PCYT1A: variants seen among roughly 807,000 people sequenced by gnomAD.
The protein encoded by PCYT1A is choline-phosphate cytidylyltransferase A.
A neutral mutation model predicts 43.7 loss-of-function variants in PCYT1A; 25 were observed. The observed-to-expected ratio is 0.57, with a 90% CI of 0.42 to 0.80. The LOEUF is 0.80. PCYT1A is among the 30% of genes least tolerant of loss of function. PCYT1A has a pLI of 0.00. For synonymous variants in PCYT1A, 172 were observed against 170.7 expected (o/e 1.01, Z -0.06); for missense variants, 421 against 474.2 (o/e 0.89, Z 1.04).
chr3:196,242,686 A>G lies in PCYT1A; in HGVS notation c.487-46T>C. 2.4e-6 allele frequency: 3 copies of G among 1,258,122 alleles called. No individual in the cohort carries two copies. The highest frequency in any genetic ancestry group is 3.5e-6 in the Non-Finnish European group (3 of 855,474). The allele number at this position is 1,258,122 out of a possible 1,614,324, so 77.9% of individuals were successfully genotyped here. ...TTAAAACCCATGATAACTGCCATTC[A>G]GAAAGACCCAGTCAATGTTCTCAGG... On this transcript the variant is annotated intron_variant, in intron 5 of 8. Coordinates refer to ENST00000431016, the MANE Select transcript of PCYT1A (RefSeq NM_001312673.2). This position sits in a 1 kb window ranked among gnomAD's most constrained non-coding sequence, Gnocchi z 4.2.
chr3:196,244,834 G>T (rs951084032), intron 5 of PCYT1A, among the ~76,000 whole-genome samples: 5 of 151,994 alleles, frequency 3.3e-5, no homozygotes, highest in African/African-American at 1.2e-4. Flanking sequence ...GTCCACTCAG[G>T]GTTAAATGGA....
chr3:196,267,397 G>GT (rs1327786768), intron 2 of PCYT1A: 1 of 452,480 alleles, frequency 2.2e-6, no homozygotes, highest in Non-Finnish European at 4.4e-6. Context: ...CTGCTAATGA[G>GT]TACAGGCCTT....
At position 196,247,063 on chromosome 3, in the gene PCYT1A, C is replaced by T. The variant is rs1197047720; in HGVS notation, c.486+304G>A. ...GCCCTGCCAATGGTGTAACTTGGAG[C>T]AGGTTATTTGGTTTCTCTAGCCCTT... On this transcript the variant is annotated intron_variant, in intron 5 of 8. Coordinates refer to ENST00000431016, the MANE Select transcript of PCYT1A (RefSeq NM_001312673.2). The surrounding 1 kb of genome is among the most constrained non-coding windows in gnomAD (Gnocchi z 4.8). Among the ~76,000 whole-genome samples, 1 of 152,116 alleles carries T rather than the reference C, an allele frequency of 6.6e-6. No homozygotes were observed. The highest frequency in any genetic ancestry group is 1.5e-5 in the Non-Finnish European group (1 of 68,034).
rs185916214 is a variant in PCYT1A at position 196,252,275 on chromosome 3, T to C, written c.218-3952A>G. On this transcript the variant is annotated intron_variant, in intron 3 of 8. Transcript: ENST00000431016. The surrounding 1 kb of genome is among the most constrained non-coding windows in gnomAD (Gnocchi z 4.0). Reference sequence around the variant, plus strand: ...ATTTATTTATTTATTTGAGATGGAGTCTTGCTCTGTTGCCCAGGCTGGAGT... The same window carrying C: ...ATTTATTTATTTATTTGAGATGGAGCCTTGCTCTGTTGCCCAGGCTGGAGT... 7.6e-4 allele frequency among the ~76,000 whole-genome samples: 115 copies of C among 152,212 alleles called. No individual in the cohort carries two copies. Among genetic ancestry groups the C allele is most frequent in the South Asian group, 1.7e-3 (8 of 4,828 alleles).
At chr3:196,258,455 A>T (rs1725010442) in intron 2 of PCYT1A, among the ~76,000 whole-genome samples, 2 of 152,072 alleles carry the variant, frequency 1.3e-5, no homozygotes, top group South Asian at 4.1e-4. Flanking sequence ...CTGTATATTG[A>T]TCTTATGTCC....
Position 196,242,849 on chromosome 3 carries a change from C to A in PCYT1A, c.487-209G>T. ...GGAGTATACATATGAAGTTAGCCAG[C>A]TGCTTTTGTAGCTATTTCTCCTAGT... On this transcript the variant is annotated intron_variant, in intron 5 of 8. Transcript: ENST00000431016. The surrounding 1 kb of genome is among the most constrained non-coding windows in gnomAD (Gnocchi z 4.2). 1 of 587,068 alleles carries A rather than the reference C, an allele frequency of 1.7e-6. No individual in the cohort carries two copies. Among genetic ancestry groups the A allele is most frequent in the Non-Finnish European group, 3.1e-6 (1 of 324,062 alleles). The allele number at this position is 587,068 out of a possible 1,614,324, so 36.4% of individuals were successfully genotyped here.
Position 196,252,170 on chromosome 3 carries a change from G to A in PCYT1A, c.218-3847C>T, listed in dbSNP as rs930784805. ...ACCGCCACGCCCCACTGGCTACAGCGCACACCACTACGCTCAGCTGATTTT... is the reference window on the plus strand; with the variant it reads ...ACCGCCACGCCCCACTGGCTACAGCACACACCACTACGCTCAGCTGATTTT... On this transcript the variant is annotated intron_variant, in intron 3 of 8. Coordinates refer to ENST00000431016, the MANE Select transcript of PCYT1A (RefSeq NM_001312673.2). This position sits in a 1 kb window ranked among gnomAD's most constrained non-coding sequence, Gnocchi z 4.0. 6.6e-6 allele frequency among the ~76,000 whole-genome samples: 1 copy of A among 152,070 alleles called. No homozygotes were observed. Among genetic ancestry groups the A allele is most frequent in the Non-Finnish European group, 1.5e-5 (1 of 68,022 alleles).
intron 5 of PCYT1A, among the ~76,000 whole-genome samples, chr3:196,244,645 T>C (rs1228831375): frequency 2.6e-5 from 4 of 152,298 alleles, no homozygotes; most frequent in East Asian, 1.9e-4. Context: ...TTTTGTCGAA[T>C]AGAAAAGGGG....
intron 2 of PCYT1A, among the ~76,000 whole-genome samples, chr3:196,265,216 A>G (rs1014665280): frequency 4.6e-5 from 7 of 151,858 alleles, no homozygotes; most frequent in African/African-American, 1.7e-4. Context: ...GGCGCACATC[A>G]CCATGCCCAG....
Position 196,277,282 on chromosome 3 carries a change from T to C in PCYT1A, c.-10-6741A>G, listed in dbSNP as rs868230521. Reference sequence around the variant, plus strand: ...ACCTGCTTACACTATTATGTGTTTATACTATTCCTTATCTGCTTACATACA... The same window carrying C: ...ACCTGCTTACACTATTATGTGTTTACACTATTCCTTATCTGCTTACATACA... On this transcript the variant is annotated intron_variant, in intron 1 of 8. Transcript: ENST00000431016. The surrounding 1 kb of genome is among the most constrained non-coding windows in gnomAD (Gnocchi z 4.1). 3.9e-5 allele frequency among the ~76,000 whole-genome samples: 6 copies of C among 152,214 alleles called. No homozygotes were observed. The highest frequency in any genetic ancestry group is 2.0e-4 in the Admixed American group (3 of 15,270).
At chr3:196,249,515 C>A (rs1724681619) in intron 3 of PCYT1A, among the ~76,000 whole-genome samples, 1 of 152,046 alleles carries the variant, frequency 6.6e-6, no homozygotes, top group Non-Finnish European at 1.5e-5. Flanking sequence ...TCAGGCACAA[C>A]AAATAACAGA....
At chr3:196,257,276 G>A (rs1342962402) in intron 3 of PCYT1A, among the ~76,000 whole-genome samples, 1 of 152,110 alleles carries the variant, frequency 6.6e-6, no homozygotes, top group African/African-American at 2.4e-5. Context: ...AAGAGCAAGG[G>A]CTTTGAAAAT....
chr3:196,269,601 G>A (rs1158285676), intron 2 of PCYT1A, among the ~76,000 whole-genome samples: 3 of 152,024 alleles, frequency 2.0e-5, no homozygotes, highest in Non-Finnish European at 4.4e-5. Context: ...AAGCTGAGAT[G>A]GGATAGGCAG....
intron 1 of PCYT1A, among the ~76,000 whole-genome samples, chr3:196,278,736 T>C (rs1023070345): frequency 6.6e-6 from 1 of 152,134 alleles, no homozygotes; most frequent in Admixed American, 6.5e-5. Flanking sequence ...TCCCAGCACT[T>C]TGGGAGACCA....
In PCYT1A at chr3:196,239,542, C is replaced by G. The variant is rs749445747; in HGVS notation, c.897+5G>C. On this transcript the variant is annotated splice_donor_5th_base_variant and intron_variant, in intron 8 of 8. Coordinates refer to ENST00000431016, the MANE Select transcript of PCYT1A (RefSeq NM_001312673.2). ...CCCTACATTGTCCAGTGGGAAAGAA[C>G]ATACCAGTGCTCCTTCCGGACCAAA... 3.8e-6 allele frequency: 6 copies of G among 1,588,384 alleles called. No individual in the cohort carries two copies. Among genetic ancestry groups the G allele is most frequent in the Non-Finnish European group, 5.2e-6 (6 of 1,157,016 alleles).
chr3:196,267,319 T>C (rs1725304760), intron 2 of PCYT1A: 1 of 456,074 alleles, frequency 2.2e-6, no homozygotes, highest in African/African-American at 2.0e-5. Flanking sequence ...AACAGGCAAA[T>C]CCACAGAATC....
intron 1 of PCYT1A, among the ~76,000 whole-genome samples, chr3:196,275,746 A>C (rs544720142): frequency 6.6e-6 from 1 of 151,612 alleles, no homozygotes; most frequent in African/African-American, 2.4e-5. Flanking sequence ...AAAAAGAAAA[A>C]AAAAAAGAAT....
In PCYT1A at chr3:196,273,090, G is replaced by A. The variant is rs11925711; in HGVS notation, c.-10-2549C>T. On this transcript the variant is annotated intron_variant, in intron 1 of 8. Coordinates refer to ENST00000431016, the MANE Select transcript of PCYT1A (RefSeq NM_001312673.2). The surrounding 1 kb of genome is among the most constrained non-coding windows in gnomAD (Gnocchi z 4.1). ...CCAGCTGCCAGGGGGTGAGCAGCTCGAGGCGCCAGCTCCCTGAGAGGCTGC... is the reference window on the plus strand; with the variant it reads ...CCAGCTGCCAGGGGGTGAGCAGCTCAAGGCGCCAGCTCCCTGAGAGGCTGC... Among the ~76,000 whole-genome samples, 34 of 152,312 alleles carry A rather than the reference G, an allele frequency of 2.2e-4. No individual in the cohort carries two copies. Among genetic ancestry groups the A allele is most frequent in the African/African-American group, 6.0e-4 (25 of 41,560 alleles).
chr3:196,238,554 G>T lies in PCYT1A; in HGVS notation c.*134C>A. The T allele has an allele frequency of 1.6e-6, 1 of 618,914 alleles. No individual in the cohort carries two copies. Among genetic ancestry groups the T allele is most frequent in the Non-Finnish European group, 2.7e-6 (1 of 370,068 alleles). 38.3% of individuals were successfully genotyped at this position (618,914 alleles called of 1,614,324 possible). ...GGCTGTTTGGGTTCCCCCAGTCCTA[G>T]GTCTTCTTTCCCCAGTTGTCTTTCC... is the stretch of plus-strand genomic sequence containing the variant. On this transcript the variant is annotated 3_prime_UTR_variant, in exon 9 of 9. Coordinates refer to ENST00000431016, the MANE Select transcript of PCYT1A (RefSeq NM_001312673.2).
Sources: allele counts gnomAD v4.1 joint callset (sites outside exome capture counted in the v4.1 genomes callset), GRCh38; gene constraint gnomAD v4.1.1; non-coding constraint Gnocchi (gnomAD v3.1); transcripts MANE v1.5; gene names NCBI Gene and HGNC (gene_info 2026-07-23, HGNC 2026-07-21).